The following ANK2 variants were observed in gnomAD, a reference collection of about 807,000 sequenced individuals.
ANK2 encodes ankyrin 2.
ANK2 carries 83 observed loss-of-function variants against 360.5 expected under a neutral mutation model. The observed-to-expected ratio is 0.23, with a 90% CI of 0.19 to 0.28. The LOEUF (loss-of-function observed/expected upper bound fraction) is 0.28, where lower values mean the gene tolerates loss of function less well. ANK2 is among the 10% of genes least tolerant of loss of function. The pLI is 1.00. For missense variants in ANK2, 4,201 were observed against 4,795.7 expected (o/e 0.88, Z 3.66); for synonymous variants, 1,740 against 1,759.5 (o/e 0.99, Z 0.28).
intron 4 of ANK2, among the ~76,000 whole-genome samples, chr4:113,206,605 A>G (rs1268905349): frequency 6.6e-6 from 1 of 152,066 alleles, no homozygotes; most frequent in African/African-American, 2.4e-5. Context: ...GACTCTGAAA[A>G]TCAGGCCACT....
intron 1 of ANK2, among the ~76,000 whole-genome samples, chr4:113,097,890 ACG>A (rs1491030105): frequency 1.7e-5 from 2 of 119,264 alleles, no homozygotes; most frequent in Non-Finnish European, 3.3e-5. Flanking sequence ...ACACACACAC[ACG>A]CACACACACA....
intron 2 of ANK2, among the ~76,000 whole-genome samples, chr4:112,963,075 A>G (rs919583975): frequency 6.6e-6 from 1 of 152,146 alleles, no homozygotes; most frequent in African/African-American, 2.4e-5. Flanking sequence ...AGATGGTGAC[A>G]TGTTCCTTTA....
chr4:112,896,861 T>G (rs1434516166), intron 1 of ANK2, among the ~76,000 whole-genome samples: 1 of 152,178 alleles, frequency 6.6e-6, no homozygotes, highest in African/African-American at 2.4e-5. Flanking sequence ...ACCACCCTCA[T>G]AGTGAAGCTG....
intron 2 of ANK2, among the ~76,000 whole-genome samples, chr4:113,185,522 G>C (rs1334183305): frequency 6.6e-6 from 1 of 152,154 alleles, no homozygotes. Flanking sequence ...CTTTTGAGAA[G>C]TGTCTGTTCA....
intron 1 of ANK2, among the ~76,000 whole-genome samples, chr4:113,110,563 A>G (rs138716499): frequency 3.3e-5 from 5 of 152,318 alleles, no homozygotes; most frequent in South Asian, 4.1e-4. Flanking sequence ...ATCCAGAAGC[A>G]TTAATAATCC....
At chr4:113,338,214 C>T (rs929483268) in intron 31 of ANK2, among the ~76,000 whole-genome samples, 2 of 152,056 alleles carry the variant, frequency 1.3e-5, no homozygotes, top group Non-Finnish European at 2.9e-5. Context: ...CTTTAAGAAA[C>T]TTTAGAGTCA....
At chr4:112,821,423 G>A (rs2056987660) in intron 1 of ANK2, among the ~76,000 whole-genome samples, 1 of 152,064 alleles carries the variant, frequency 6.6e-6, no homozygotes, top group African/African-American at 2.4e-5. Context: ...TTCTTTGTGG[G>A]TCATGTGATG....
chr4:113,214,932 T>A (rs1185358573), intron 4 of ANK2, among the ~76,000 whole-genome samples: 1 of 152,134 alleles, frequency 6.6e-6, no homozygotes, highest in Non-Finnish European at 1.5e-5. Flanking sequence ...GAACCAACAA[T>A]GTCATCAAAA....
chr4:112,914,506 C>T (rs972925444), intron 2 of ANK2, among the ~76,000 whole-genome samples: 1 of 152,060 alleles, frequency 6.6e-6, no homozygotes, highest in African/African-American at 2.4e-5. Context: ...GCCCGTAATC[C>T]CAGCTACCCG....
chr4:113,253,634 T>G (rs2047687000), intron 10 of ANK2, among the ~76,000 whole-genome samples: 1 of 152,202 alleles, frequency 6.6e-6, no homozygotes, highest in African/African-American at 2.4e-5. Flanking sequence ...TTTCTCACTT[T>G]CCACATTCTG....
At chr4:112,770,819 G>A in the ANK2 span, among the ~76,000 whole-genome samples, 3 of 152,148 alleles carry the variant, frequency 2.0e-5, no homozygotes, top group Non-Finnish European at 2.9e-5. Context: ...TGGGGGCCAA[G>A]AACTTCATTT....
At chr4:112,796,297 C>T in the ANK2 span, among the ~76,000 whole-genome samples, 4 of 151,932 alleles carry the variant, frequency 2.6e-5, no homozygotes, top group African/African-American at 9.7e-5. Flanking sequence ...GTGGTGCATG[C>T]CTGTAATCCC....
chr4:112,875,921 C>A, intron 1 of ANK2, among the ~76,000 whole-genome samples: 1 of 134,418 alleles, frequency 7.4e-6, no homozygotes, highest in East Asian at 2.1e-4. Context: ...TTTCTTTTTT[C>A]TTTTTTTTTT....
intron 33 of ANK2, 47 bp downstream of exon 33, chr4:113,341,963 C>T (rs773170189): frequency 7.2e-7 from 1 of 1,382,362 alleles, no homozygotes; most frequent in East Asian, 2.3e-5. Flanking sequence ...TGTTGTTATA[C>T]CTGCATTAAT....
intron 1 of ANK2, among the ~76,000 whole-genome samples, chr4:113,064,100 G>T (rs1366081655): frequency 6.6e-6 from 1 of 152,076 alleles, no homozygotes; most frequent in East Asian, 1.9e-4. Context: ...GTCATTTTTG[G>T]AAATTTTAGT....
chr4:113,206,010 T>C (rs2098942158), intron 4 of ANK2, among the ~76,000 whole-genome samples: 1 of 152,152 alleles, frequency 6.6e-6, no homozygotes, highest in Non-Finnish European at 1.5e-5. Context: ...TAGTCACAGA[T>C]TTTTTTAAAC....
At chr4:113,336,811 A>G in intron 31 of ANK2, 30 bp downstream of exon 31, 1 of 1,606,062 alleles carries the variant, frequency 6.2e-7, no homozygotes, top group Non-Finnish European at 8.5e-7. Context: ...GTTCGTAGAG[A>G]GTTCTGAAAA....
chr4:112,851,653 T>C (rs2065026489), intron 1 of ANK2, among the ~76,000 whole-genome samples: 1 of 151,970 alleles, frequency 6.6e-6, no homozygotes, highest in South Asian at 2.1e-4. Flanking sequence ...AGATGGAGTC[T>C]TGCTCTGTCA....
chr4:112,953,287 T>G (rs1261995955), intron 2 of ANK2, among the ~76,000 whole-genome samples: 1 of 152,244 alleles, frequency 6.6e-6, no homozygotes, highest in Non-Finnish European at 1.5e-5. Context: ...TATCCATTGT[T>G]TAGGCAAGCA....
Sources: gnomAD v4.1 joint callset for allele counts (sites outside exome capture counted in the v4.1 genomes callset) on GRCh38, gnomAD v4.1.1 for gene constraint, MANE v1.5 for transcripts, NCBI Gene and HGNC (gene_info 2026-07-23, HGNC 2026-07-21) for gene names.